CFDP1: variants seen among roughly 807,000 people sequenced by gnomAD.
The protein encoded by CFDP1 is chromatin remodeling protein CFDP1.
In CFDP1, 31 loss-of-function variants were observed where a neutral mutation model predicts 40.1. The observed-to-expected ratio is 0.77, with a 90% CI of 0.58 to 1.04. The LOEUF (loss-of-function observed/expected upper bound fraction) is 1.04. CFDP1 is among the 50% of genes least tolerant of loss of function. The pLI, the probability that CFDP1 is intolerant of heterozygous loss-of-function variation, is 0.00. For synonymous variants in CFDP1, 167 were observed against 120.0 expected, an observed-to-expected ratio of 1.39 and a Z score of -2.56; for missense variants, 423 against 343.4, an observed-to-expected ratio of 1.23 and a Z score of -1.83.
At chr16:75,411,012 A>T (rs1312488595) in intron 4 of CFDP1, among the ~76,000 whole-genome samples, 5 of 151,752 alleles carry the variant, frequency 3.3e-5, no homozygotes, top group African/African-American at 1.2e-4. Flanking sequence ...TGAGGTCAGG[A>T]GTTCAAGACC....
intron 5 of CFDP1, among the ~76,000 whole-genome samples, chr16:75,386,349 A>G (rs1028495474): frequency 6.6e-6 from 1 of 152,226 alleles, no homozygotes; most frequent in African/African-American, 2.4e-5. Flanking sequence ...TCCTAGGTTC[A>G]GAGTATTTGT....
Position 75,301,536 on chromosome 16 carries a change from C to CTTTTTTTTTTTTTTTTTTTTTT in CFDP1, c.809+3466_809+3487dup, listed in dbSNP as rs546724752. Among the ~76,000 whole-genome samples the CTTTTTTTTTTTTTTTTTTTTTT allele has an allele frequency of 7.4e-5, 4 of 53,966 alleles. 1 individual carries two copies. The highest frequency in any genetic ancestry group is 2.8e-4 in the African/African-American group (4 of 14,506). The allele number at this position is 53,966 out of a possible 152,430, so 35.4% of individuals were successfully genotyped here. A position where few individuals can be genotyped will look rare whatever the true frequency, so the allele number is the denominator to read the frequency against. ...TCTCAACATTAGAGTTTTGTTGTGT[C>CTTTTTTTTTTTTTTTTTTTTTT]TTTTTTTTTTTTTTTTTTTTTTTTT... is the stretch of plus-strand genomic sequence containing the variant. On this transcript the variant is annotated intron_variant, in intron 6 of 6. Coordinates refer to ENST00000283882, the MANE Select transcript of CFDP1 (RefSeq NM_006324.3).
intron 4 of CFDP1, 25 bp downstream of exon 4, chr16:75,411,800 T>C: frequency 1.2e-6 from 2 of 1,601,842 alleles, no homozygotes; most frequent in Non-Finnish European, 1.7e-6. Flanking sequence ...AATGCTAGTT[T>C]CAAAGTTTTT....
intron 1 of CFDP1, among the ~76,000 whole-genome samples, chr16:75,430,188 C>T (rs11640724): frequency 0.084 from 3,707 of 44,296 alleles, 90 homozygotes; most frequent in African/African-American, 0.11. Flanking sequence ...TTTGTTTTTT[C>T]GAGATGGAGT....
chr16:75,409,739 A>C (rs2151582222), intron 4 of CFDP1, among the ~76,000 whole-genome samples: 1 of 152,310 alleles, frequency 6.6e-6, no homozygotes, highest in East Asian at 1.9e-4. Flanking sequence ...CAGCCAAAAC[A>C]AAAGAAAAAC....
At chr16:75,317,940 AC>A (rs145502505) in intron 5 of CFDP1, among the ~76,000 whole-genome samples, 2 of 151,432 alleles carry the variant, frequency 1.3e-5, no homozygotes, top group African/African-American at 4.9e-5. Context: ...GTGAGACCCC[AC>A]CCCCCATCTC....
At chr16:75,303,682 C>G (rs1420172877) in intron 6 of CFDP1, among the ~76,000 whole-genome samples, 2 of 152,090 alleles carry the variant, frequency 1.3e-5, no homozygotes, top group African/African-American at 4.8e-5. Flanking sequence ...ACTTGAATGA[C>G]TTCGACTTAA....
chr16:75,409,112 G>A lies in CFDP1; in HGVS notation c.530+2713C>T, dbSNP rs187673474. On this transcript the variant is annotated intron_variant, in intron 4 of 6. Transcript: ENST00000283882. Reference sequence around the variant, plus strand: ...AACCTCAAGCAATCCACCCACCTTCGCCTCCCAGAGTGCTGGGATTACAGG... The same window carrying A: ...AACCTCAAGCAATCCACCCACCTTCACCTCCCAGAGTGCTGGGATTACAGG... Among the ~76,000 whole-genome samples, 4 of 151,960 alleles carry A rather than the reference G, an allele frequency of 2.6e-5. No individual in the cohort carries two copies. In the East Asian group the frequency reaches 5.8e-4, roughly 22 times the overall value.
chr16:75,321,536 G>T (rs1306859924), intron 5 of CFDP1, among the ~76,000 whole-genome samples: 1 of 152,116 alleles, frequency 6.6e-6, no homozygotes, highest in Admixed American at 6.5e-5. Context: ...TGTCCAACCT[G>T]CCTTATTCTG....
Position 75,411,947 on chromosome 16 carries a change from T to C in CFDP1, c.408A>G (p.Gly136=), listed in dbSNP as rs1405446763. ...TTGAACTTGTCTCTTCAGTCTCCTC[T>C]CCTTTCTATAAAAAAAACAAGAAAT... The part of the protein sequence containing the change: ...KVPPSTQVKK[G]EETEETSSSK... Residue 136 remains glycine (G), a synonymous_variant, in exon 4 of 7, where the codon GGA becomes GGG. Coordinates refer to ENST00000283882, the MANE Select transcript of CFDP1 (RefSeq NM_006324.3). The C allele has an allele frequency of 6.3e-7, 1 of 1,591,856 alleles. No individual in the cohort carries two copies. The highest frequency in any genetic ancestry group is 2.2e-5 in the East Asian group (1 of 44,666).
intron 4 of CFDP1, among the ~76,000 whole-genome samples, chr16:75,401,016 C>G (rs796144910): frequency 3.3e-5 from 5 of 152,198 alleles, no homozygotes; most frequent in African/African-American, 1.2e-4. Flanking sequence ...AAGCATCCAG[C>G]TTGACACAGT....
intron 1 of CFDP1, among the ~76,000 whole-genome samples, chr16:75,429,661 A>G (rs1356569965): frequency 2.0e-5 from 3 of 152,184 alleles, no homozygotes; most frequent in Admixed American, 6.5e-5. Context: ...CTCTAAATAA[A>G]TAAGTAAATA....
At chr16:75,318,070 G>A (rs904316734) in intron 5 of CFDP1, among the ~76,000 whole-genome samples, 1 of 152,046 alleles carries the variant, frequency 6.6e-6, no homozygotes, top group African/African-American at 2.4e-5. Flanking sequence ...GCAGTGTGCC[G>A]AGATCGCGCC....
chr16:75,431,175 G>C (rs247443), intron 1 of CFDP1, among the ~76,000 whole-genome samples: 26,129 of 151,730 alleles, frequency 0.17, 2,442 homozygotes, highest in East Asian at 0.42. Context: ...CACTGGGCCT[G>C]GCACGGTGGC....
intron 5 of CFDP1, among the ~76,000 whole-genome samples, chr16:75,370,092 T>C (rs1222522319): frequency 1.3e-5 from 2 of 149,868 alleles, no homozygotes; most frequent in Non-Finnish European, 3.0e-5. Flanking sequence ...TTCTATTATT[T>C]ATTACTTTTT....
chr16:75,325,353 A>G (rs916109958), intron 5 of CFDP1, among the ~76,000 whole-genome samples: 5 of 152,150 alleles, frequency 3.3e-5, no homozygotes, highest in Admixed American at 6.5e-5. Context: ...CTGCCCAACG[A>G]CTGTGCCCAG....
At chr16:75,367,335 C>T (rs1421483640) in intron 5 of CFDP1, among the ~76,000 whole-genome samples, 1 of 150,920 alleles carries the variant, frequency 6.6e-6, no homozygotes, top group Non-Finnish European at 1.5e-5. Context: ...GGTTTAATAC[C>T]TAGGTGGTGG....
chr16:75,376,262 A>G (rs529942473), intron 5 of CFDP1, among the ~76,000 whole-genome samples: 2 of 152,316 alleles, frequency 1.3e-5, no homozygotes, highest in East Asian at 3.9e-4. Context: ...CATCTACTCC[A>G]TGACCTAGCA....
Position 75,433,446 on chromosome 16 carries a change from G to T in CFDP1, c.-94C>A, listed in dbSNP as rs572248808. The T allele has an allele frequency of 1.8e-5, 23 of 1,286,356 alleles. No homozygotes were observed. In the South Asian group the frequency reaches 2.4e-4, roughly 13 times the overall value. The allele number at this position is 1,286,356 out of a possible 1,614,324, so 79.7% of individuals were successfully genotyped here. On this transcript the variant is annotated 5_prime_UTR_variant, in exon 1 of 7. Transcript: ENST00000283882. ...GGAGAGACCATAGAGCCCCGGCGGCGGCGACGGCAGCTAGGGCGGCCCCCG... is the reference window on the plus strand; with the variant it reads ...GGAGAGACCATAGAGCCCCGGCGGCTGCGACGGCAGCTAGGGCGGCCCCCG...
Sources: gnomAD v4.1 joint callset for allele counts (sites outside exome capture counted in the v4.1 genomes callset) on GRCh38, gnomAD v4.1.1 for gene constraint, MANE v1.5 for transcripts, NCBI Gene and HGNC (gene_info 2026-07-23, HGNC 2026-07-21) for gene names.